Variants in KCNMB2 observed in about 807,000 individuals in gnomAD.
KCNMB2 encodes the protein potassium calcium-activated channel subfamily M regulatory beta subunit 2.
A neutral mutation model predicts 24.5 loss-of-function variants in KCNMB2; 9 were observed. The ratio of observed to expected loss-of-function variants is 0.37; its 90% CI spans 0.22 to 0.64. KCNMB2 has a LOEUF of 0.64. Among genes scored for constraint, KCNMB2 ranks in the 30% least tolerant of loss-of-function variants. KCNMB2 has a pLI of 0.63. For synonymous variants in KCNMB2, 109 were observed against 104.4 expected (o/e 1.04, Z -0.27); for missense variants, 226 against 284.3 (o/e 0.79, Z 1.47).
intron 1 of KCNMB2, among the ~76,000 whole-genome samples, chr3:178,796,527 C>CA (rs1216399475): frequency 6.6e-6 from 1 of 151,800 alleles, no homozygotes; most frequent in Admixed American, 6.6e-5. Flanking sequence ...TTTAAATATT[C>CA]AAAAAAATTG....
At chr3:178,608,733 C>G (rs1352692580) in intron 1 of KCNMB2, among the ~76,000 whole-genome samples, 3 of 152,130 alleles carry the variant, frequency 2.0e-5, no homozygotes, top group Non-Finnish European at 4.4e-5. Flanking sequence ...TTCAATTGTT[C>G]TGATTTTTAG....
intron 1 of KCNMB2, among the ~76,000 whole-genome samples, chr3:178,700,972 T>C (rs1722071623): frequency 6.6e-6 from 1 of 152,218 alleles, no homozygotes; most frequent in South Asian, 2.1e-4. Context: ...TAGATCCCGT[T>C]TGTCAATTTT....
rs35933239 is a variant in KCNMB2, at chr3:178,609,643, AT to A, written c.-68+72945del. On this transcript the variant is annotated intron_variant, in intron 1 of 4. Transcript: ENST00000452583. The stretch of plus-strand genomic sequence containing the variant: ...AGATATAAGTCTTTAGTCTATTTCG[AT>A]TTTTTTTTTTTTGGCAGATTGTCCC... 1.9e-3 allele frequency among the ~76,000 whole-genome samples: 272 copies of A among 143,014 alleles called. 2 individuals are homozygous for A. Among genetic ancestry groups the A allele is most frequent in the South Asian group, 9.1e-3 (41 of 4,498 alleles). 93.8% of individuals were successfully genotyped at this position (143,014 alleles called of 152,430 possible).
chr3:178,711,470 T>G (rs1206116910), intron 1 of KCNMB2, among the ~76,000 whole-genome samples: 1 of 152,094 alleles, frequency 6.6e-6, no homozygotes, highest in African/African-American at 2.4e-5. Flanking sequence ...GCGCTGTCTC[T>G]CCCACCAAGA....
intron 4 of KCNMB2, among the ~76,000 whole-genome samples, chr3:178,840,117 T>C (rs558035254): frequency 1.3e-5 from 2 of 152,116 alleles, no homozygotes; most frequent in Non-Finnish European, 2.9e-5. Context: ...AGAAATTGGC[T>C]AAAACAAAGG....
chr3:178,546,181 T>C (rs957668415), intron 1 of KCNMB2, among the ~76,000 whole-genome samples: 6 of 152,184 alleles, frequency 3.9e-5, no homozygotes, highest in Non-Finnish European at 7.3e-5. Context: ...ATAGAAAATA[T>C]AACAATAGAA....
chr3:178,655,882 T>A (rs1230088923), intron 1 of KCNMB2, among the ~76,000 whole-genome samples: 1 of 152,178 alleles, frequency 6.6e-6, no homozygotes, highest in Non-Finnish European at 1.5e-5. Context: ...GAATTTACTT[T>A]TATCACAGGG....
intron 1 of KCNMB2, among the ~76,000 whole-genome samples, chr3:178,761,584 T>C (rs185158244): frequency 4.8e-4 from 73 of 152,256 alleles, no homozygotes; most frequent in Admixed American, 1.5e-3. Context: ...GTGCCCAATA[T>C]AGATCAACTG....
At chr3:178,585,964 G>A (rs1477164959) in intron 1 of KCNMB2, among the ~76,000 whole-genome samples, 1 of 152,138 alleles carries the variant, frequency 6.6e-6, no homozygotes, top group East Asian at 1.9e-4. Context: ...CAGAAGGTAA[G>A]GCCTTTGATA....
At chr3:178,708,992 T>C (rs1051915908) in intron 1 of KCNMB2, among the ~76,000 whole-genome samples, 1 of 152,178 alleles carries the variant, frequency 6.6e-6, no homozygotes, top group South Asian at 2.1e-4. Flanking sequence ...CCAGCAAGCA[T>C]TTCTGATTTA....
chr3:178,797,124 T>A (rs998613587), intron 1 of KCNMB2, among the ~76,000 whole-genome samples: 2 of 152,038 alleles, frequency 1.3e-5, no homozygotes, highest in African/African-American at 4.8e-5. Context: ...GGCAATAAAT[T>A]GGAAAACTTA....
intron 1 of KCNMB2, among the ~76,000 whole-genome samples, chr3:178,537,086 G>T (rs1469199044): frequency 2.6e-5 from 4 of 152,098 alleles, no homozygotes; most frequent in Admixed American, 2.0e-4. Context: ...AAAGGTCCAA[G>T]AAAAATAAAG....
At chr3:178,682,958 A>G (rs907928971) in intron 1 of KCNMB2, among the ~76,000 whole-genome samples, 6 of 152,226 alleles carry the variant, frequency 3.9e-5, no homozygotes, top group African/African-American at 1.2e-4. Flanking sequence ...GTAGAAAGTG[A>G]TCTCATTATC....
chr3:178,690,785 A>G (rs1379422875), intron 1 of KCNMB2, among the ~76,000 whole-genome samples: 35 of 152,204 alleles, frequency 2.3e-4, no homozygotes, highest in Non-Finnish European at 1.5e-5. Flanking sequence ...GAATCATGAC[A>G]TGGTGTACTA....
rs536925900 is a variant in KCNMB2 at position 178,629,273 on chromosome 3, G to T, written c.-68+92562G>T. Among the ~76,000 whole-genome samples the T allele has an allele frequency of 2.0e-5, 3 of 152,132 alleles. No individual in the cohort carries two copies. The East Asian group carries it at 5.8e-4, about 29-fold the overall frequency. On this transcript the variant is annotated intron_variant, in intron 1 of 4. Coordinates refer to ENST00000452583, the MANE Select transcript of KCNMB2 (RefSeq NM_181361.3). ...TCATTCTACTCATCTGGATTTGTTT[G>T]ATTTGTTTATTATAAATAGCATATT... is the stretch of plus-strand genomic sequence containing the variant.
chr3:178,841,696 C>T (rs1011052027), intron 4 of KCNMB2: 1 of 152,146 alleles, frequency 6.6e-6, no homozygotes, highest in South Asian at 2.1e-4. Flanking sequence ...CTCATGAGAA[C>T]TTACTCACTG....
At position 178,618,610 on chromosome 3, in the gene KCNMB2, T is replaced by C. The variant is rs539685450; in HGVS notation, c.-68+81899T>C. On this transcript the variant is annotated intron_variant, in intron 1 of 4. Coordinates refer to ENST00000452583, the MANE Select transcript of KCNMB2 (RefSeq NM_181361.3). ...GGTAAAGGGAAGGTAATCTATCTGA[T>C]TGGCAAACAGAAACCTATTTTTGGA... Among the ~76,000 whole-genome samples, 201 of 152,296 alleles carry C rather than the reference T, an allele frequency of 1.3e-3. 1 individual carries two copies. Among genetic ancestry groups the C allele is most frequent in the African/African-American group, 4.5e-3 (188 of 41,570 alleles).
chr3:178,588,083 G>A (rs1013260684), intron 1 of KCNMB2, among the ~76,000 whole-genome samples: 6 of 151,948 alleles, frequency 3.9e-5, no homozygotes, highest in Admixed American at 2.0e-4. Context: ...CATTTTTTAT[G>A]GCTGCATAGT....
chr3:178,632,764 T>G (rs541683805), intron 1 of KCNMB2, among the ~76,000 whole-genome samples: 1 of 152,310 alleles, frequency 6.6e-6, no homozygotes, highest in South Asian at 2.1e-4. Context: ...CCCCAAAGTC[T>G]TAGCTCATTC....
Sources: gnomAD v4.1 joint callset for allele counts (sites outside exome capture counted in the v4.1 genomes callset) on GRCh38, gnomAD v4.1.1 for gene constraint, MANE v1.5 for transcripts, NCBI Gene and HGNC (gene_info 2026-07-23, HGNC 2026-07-21) for gene names.